Variants in LDLRAD3 observed in about 807,000 individuals in gnomAD.
LDLRAD3 encodes the protein low-density lipoprotein receptor class A domain-containing protein 3.
LDLRAD3 carries 20 observed loss-of-function variants against 29.4 expected under a neutral mutation model. The ratio of observed to expected loss-of-function variants is 0.68; its 90% CI spans 0.48 to 0.99. LDLRAD3 has a LOEUF of 0.99. Among genes scored for constraint, LDLRAD3 ranks in the 50% least tolerant of loss-of-function variants. LDLRAD3 has a pLI of 0.00. For missense variants in LDLRAD3, 420 were observed against 454.3 expected (o/e 0.92, Z 0.69); for synonymous variants, 157 against 192.7 (o/e 0.81, Z 1.53).
At chr11:36,114,313 G>GCCAACCGGGAGAAATCTGCCTATC (rs1853645472) in intron 4 of LDLRAD3, among the ~76,000 whole-genome samples, 1 of 152,194 alleles carries the variant, frequency 6.6e-6, no homozygotes, top group East Asian at 1.9e-4. Context: ...ACTGTGCGGT[G>GCCAACCGGGAGAAATCTGCCTATC]CCAACCGGGA....
chr11:36,227,170 C>T lies in LDLRAD3; in HGVS notation c.540C>T (p.Ser180=), dbSNP rs142823958. The change falls in exon 5 of 6, where the codon TCC becomes TCT. Residue 180 remains serine (S), a synonymous_variant. Transcript: ENST00000315571. ...TCACCTATGCCATCATCGGCAGCTC[C>T]GTCATTTTTGTGCTGGTGGTGGCCC... ...PSITYAIIGS[S]VIFVLVVALL... 232 of 1,614,108 alleles carry T rather than the reference C, an allele frequency of 1.4e-4. 1 individual carries two copies. The highest frequency in any genetic ancestry group is 3.5e-4 in the African/African-American group (26 of 75,036).
At chr11:36,077,240 G>A (rs1352779970) in intron 2 of LDLRAD3, among the ~76,000 whole-genome samples, 1 of 151,966 alleles carries the variant, frequency 6.6e-6, no homozygotes, top group Admixed American at 6.6e-5. Context: ...TTAGTTTCTG[G>A]TTTATCCTCC....
At chr11:36,202,075 A>C (rs1590352240) in intron 4 of LDLRAD3, among the ~76,000 whole-genome samples, 10 of 125,366 alleles carry the variant, frequency 8.0e-5, no homozygotes, top group South Asian at 2.4e-4. Flanking sequence ...ACGGAGTTTC[A>C]CTCTTCTCGC....
intron 4 of LDLRAD3, among the ~76,000 whole-genome samples, chr11:36,208,784 T>C (rs1855245105): frequency 6.6e-6 from 1 of 150,916 alleles, no homozygotes. Flanking sequence ...AAAAACACCA[T>C]GAGAACAACA....
intron 4 of LDLRAD3, among the ~76,000 whole-genome samples, chr11:36,132,946 C>G (rs563290155): frequency 1.3e-5 from 2 of 152,300 alleles, no homozygotes; most frequent in African/African-American, 2.4e-5. Flanking sequence ...TCAGTTCCCC[C>G]CTTTTGGGGA....
chr11:36,115,971 C>G (rs1485817841), intron 4 of LDLRAD3, among the ~76,000 whole-genome samples: 2 of 152,106 alleles, frequency 1.3e-5, no homozygotes, highest in Non-Finnish European at 2.9e-5. Context: ...CATTAAGAGC[C>G]CAGGTTCTGG....
At chr11:36,109,754 T>TA (rs1853581357) in intron 4 of LDLRAD3, among the ~76,000 whole-genome samples, 1 of 83,896 alleles carries the variant, frequency 1.2e-5, no homozygotes, top group Non-Finnish European at 3.1e-5. Context: ...AGCTTTATAT[T>TA]TAAAAAAAAA....
At chr11:36,158,735 T>G (rs1320382485) in intron 4 of LDLRAD3, among the ~76,000 whole-genome samples, 3 of 152,278 alleles carry the variant, frequency 2.0e-5, no homozygotes, top group East Asian at 3.9e-4. Flanking sequence ...GTGGAATGAA[T>G]AAATGAATGA....
chr11:36,177,139 AGT>A (rs1244589973), intron 4 of LDLRAD3, among the ~76,000 whole-genome samples: 2 of 151,594 alleles, frequency 1.3e-5, no homozygotes, highest in Non-Finnish European at 2.9e-5. Context: ...CATTTCTCTG[AGT>A]GTGTCTTTTA....
At position 36,050,925 on chromosome 11, in the gene LDLRAD3, C is replaced by A. The variant is rs929571888; in HGVS notation, c.193+14676C>A. On this transcript the variant is annotated intron_variant, in intron 2 of 5. Transcript: ENST00000315571. ...TGGACAGCCGTCTTCTCACTGTGTC[C>A]TCATATGGTGTAAAGGATGCCTGAG... Among the ~76,000 whole-genome samples, 3 of 152,134 alleles carry A rather than the reference C, an allele frequency of 2.0e-5. No individual in the cohort carries two copies. The South Asian group carries it at 6.2e-4, about 32-fold the overall frequency.
At chr11:36,219,169 T>C (rs1452786309) in intron 4 of LDLRAD3, among the ~76,000 whole-genome samples, 1 of 152,270 alleles carries the variant, frequency 6.6e-6, no homozygotes, top group East Asian at 1.9e-4. Flanking sequence ...GCATAAAATA[T>C]TTACTATCTG....
chr11:36,107,193 T>C (rs891302349), intron 4 of LDLRAD3, among the ~76,000 whole-genome samples: 1 of 150,782 alleles, frequency 6.6e-6, no homozygotes, highest in African/African-American at 2.4e-5. Context: ...GTAATTTTTC[T>C]TTTTCTTTTT....
chr11:36,092,055 C>A (rs367796302), intron 3 of LDLRAD3, among the ~76,000 whole-genome samples: 1 of 152,278 alleles, frequency 6.6e-6, no homozygotes, highest in African/African-American at 2.4e-5. Flanking sequence ...TGGTTAAGTA[C>A]GTCTGCTTAA....
intron 1 of LDLRAD3, chr11:35,988,861 G>A (rs1851651964): frequency 1.3e-5 from 2 of 152,070 alleles, no homozygotes; most frequent in South Asian, 4.1e-4. Context: ...GGGATTACAG[G>A]CGTGAGTCAC....
intron 1 of LDLRAD3, among the ~76,000 whole-genome samples, chr11:35,991,585 C>G (rs1051450924): frequency 2.0e-5 from 3 of 152,158 alleles, no homozygotes; most frequent in Non-Finnish European, 4.4e-5. Context: ...TTCCTTTTCT[C>G]CAATGGCGAC....
At chr11:36,071,274 C>G (rs1852897396) in intron 2 of LDLRAD3, among the ~76,000 whole-genome samples, 1 of 152,180 alleles carries the variant, frequency 6.6e-6, no homozygotes, top group Non-Finnish European at 1.5e-5. Context: ...GCAGACAATC[C>G]TAGGCTGGAG....
chr11:36,140,116 T>C (rs982109615), intron 4 of LDLRAD3, among the ~76,000 whole-genome samples: 1 of 152,232 alleles, frequency 6.6e-6, no homozygotes, highest in Non-Finnish European at 1.5e-5. Context: ...TGATTTGTTT[T>C]GTCTTGGAAA....
At chr11:36,084,957 C>T (rs1853173830) in intron 3 of LDLRAD3, among the ~76,000 whole-genome samples, 1 of 152,186 alleles carries the variant, frequency 6.6e-6, no homozygotes, top group Non-Finnish European at 1.5e-5. Flanking sequence ...TTAATTTTTG[C>T]TTTAAATATT....
chr11:36,222,930 C>T (rs575528840), intron 4 of LDLRAD3, among the ~76,000 whole-genome samples: 10 of 152,152 alleles, frequency 6.6e-5, no homozygotes, highest in Middle Eastern at 3.4e-3. Flanking sequence ...CGAAGCGGCA[C>T]GTACAGGACA....
Sources: gnomAD v4.1 joint callset for allele counts (sites outside exome capture counted in the v4.1 genomes callset) on GRCh38, gnomAD v4.1.1 for gene constraint, MANE v1.5 for transcripts, NCBI Gene and HGNC (gene_info 2026-07-23, HGNC 2026-07-21) for gene names.